Variants in ADAMTS20 observed in about 807,000 individuals in gnomAD.
ADAMTS20 encodes ADAM metallopeptidase with thrombospondin type 1 motif 20, also known as A disintegrin and metalloproteinase with thrombospondin motifs 20.
A neutral mutation model predicts 260.1 loss-of-function variants in ADAMTS20; 225 were observed. The observed-to-expected ratio is 0.87, with a 90% CI of 0.78 to 0.97. The LOEUF is 0.97. Ranked by LOEUF, ADAMTS20 falls within the 50% of genes least tolerant of loss-of-function variation. The pLI is 0.00. For synonymous variants in ADAMTS20, 802 were observed against 769.5 expected, an observed-to-expected ratio of 1.04 and a Z score of -0.70; for missense variants, 2,400 against 2,337.7, an observed-to-expected ratio of 1.03 and a Z score of -0.55.
At chr12:43,353,254 T>C (rs912829927), downstream of ADAMTS20, among the ~76,000 whole-genome samples, 4 of 152,020 alleles carry the variant, frequency 2.6e-5, no homozygotes, top group African/African-American at 9.7e-5. Flanking sequence ...AAACCTCTGA[T>C]ATAAAATAAC....
At chr12:43,430,601 T>A in intron 22 of ADAMTS20, 130 bp from the exon 23 acceptor site, 1 of 880,648 alleles carries the variant, frequency 1.1e-6, no homozygotes, top group Non-Finnish European at 1.6e-6. Flanking sequence ...ATACTAGATT[T>A]AAGACTTAAA....
intron 7 of ADAMTS20, among the ~76,000 whole-genome samples, chr12:43,480,525 G>T (rs1278492492): frequency 2.0e-5 from 3 of 152,082 alleles, no homozygotes; most frequent in Non-Finnish European, 4.4e-5. Context: ...CATAATGGCT[G>T]TAGTAATTTA....
chr12:43,490,372 A>G (rs775127132), intron 7 of ADAMTS20, 23 bp downstream of exon 7: 9 of 1,157,504 alleles, frequency 7.8e-6, no homozygotes, highest in Non-Finnish European at 1.2e-6. Context: ...CATAAGCTAA[A>G]CTTAATTGAC....
At chr12:43,499,808 T>C (rs1009634432) in intron 4 of ADAMTS20, among the ~76,000 whole-genome samples, 2 of 152,164 alleles carry the variant, frequency 1.3e-5, no homozygotes, top group Non-Finnish European at 2.9e-5. Context: ...TGGCCAATAC[T>C]GATTTTTATG....
intron 28 of ADAMTS20, 107 bp downstream of exon 28, chr12:43,425,407 C>T: frequency 2.0e-6 from 2 of 1,007,362 alleles, no homozygotes; most frequent in Non-Finnish European, 2.7e-6. Flanking sequence ...GCACATGTAC[C>T]CCTGAATGTA....
At chr12:43,470,538 A>G (rs1942235679) in intron 7 of ADAMTS20, among the ~76,000 whole-genome samples, 1 of 152,160 alleles carries the variant, frequency 6.6e-6, no homozygotes, top group Admixed American at 6.5e-5. Context: ...TTGTGTCTAG[A>G]CTCATTCAAG....
chr12:43,430,363 T>C lies in ADAMTS20; in HGVS notation c.3370A>G (p.Ser1124Gly), dbSNP rs764552278. The C allele has an allele frequency of 2.5e-6, 4 of 1,612,290 alleles. No homozygotes were observed. The highest frequency in any genetic ancestry group is 2.7e-5 in the African/African-American group (2 of 74,872). ...ATGATTCTTTTTACCTGTCTGTCACTGGGGCGACTAGCTTCATGGCATTCT... is the reference window on the plus strand; with the variant it reads ...ATGATTCTTTTTACCTGTCTGTCACCGGGGCGACTAGCTTCATGGCATTCT... ...DTECHEASRP[S>G]DRQSCVLTPC... Residue 1124 changes from serine to glycine, a missense_variant, in exon 23 of 39, where the codon AGT (serine) becomes GGT (glycine). Coordinates refer to ENST00000389420, the MANE Select transcript of ADAMTS20 (RefSeq NM_025003.5).
chr12:43,541,155 C>T (rs756965936), intron 2 of ADAMTS20, among the ~76,000 whole-genome samples: 8 of 152,078 alleles, frequency 5.3e-5, no homozygotes, highest in Non-Finnish European at 1.0e-4. Flanking sequence ...GGAGAACATT[C>T]GGAAATAAGG....
At chr12:43,395,735 G>C (rs914340452) in intron 29 of ADAMTS20, among the ~76,000 whole-genome samples, 16 of 145,930 alleles carry the variant, frequency 1.1e-4, no homozygotes, top group African/African-American at 3.8e-4. Context: ...TATGAGACTG[G>C]AGAACACACT....
At position 43,466,438 on chromosome 12, in the gene ADAMTS20, T is replaced by G. The variant is rs532080076; in HGVS notation, c.1367+214A>C. 4.6e-4 allele frequency among the ~76,000 whole-genome samples: 70 copies of G among 151,968 alleles called. 2 individuals are homozygous for G. Among genetic ancestry groups the G allele is most frequent in the African/African-American group, 1.5e-3 (64 of 41,524 alleles). On this transcript the variant is annotated intron_variant, in intron 9 of 38. Coordinates refer to ENST00000389420, the MANE Select transcript of ADAMTS20 (RefSeq NM_025003.5). ...CTAGGTCTAAACTACAATAAAAATA[T>G]TTATTTTAAAGAGTGAAATTATATA...
intron 4 of ADAMTS20, among the ~76,000 whole-genome samples, 192 bp downstream of exon 4, chr12:43,501,960 T>C (rs187676588): frequency 1.2e-4 from 18 of 152,220 alleles, no homozygotes; most frequent in Non-Finnish European, 2.5e-4. Context: ...TTTAGAAAGG[T>C]GTCCAAGTAA....
Position 43,502,415 on chromosome 12 carries a change from A to G in ADAMTS20, c.614-10T>C. The G allele has an allele frequency of 1.3e-6, 2 of 1,575,526 alleles. No individual in the cohort carries two copies. The highest frequency in any genetic ancestry group is 8.5e-7 in the Non-Finnish European group (1 of 1,170,664). ...TCCTTTATTTGACTTTCTAGGGAGA[A>G]AAAAAGAATATAATGCAGAGCCATT... On this transcript the variant is annotated splice_polypyrimidine_tract_variant and intron_variant, in intron 3 of 38. Coordinates refer to ENST00000389420, the MANE Select transcript of ADAMTS20 (RefSeq NM_025003.5).
Position 43,532,067 on chromosome 12 carries a change from A to G in ADAMTS20, c.582T>C (p.Phe194=). Residue 194 remains phenylalanine, a synonymous_variant, in exon 3 of 39, where the codon TTT becomes TTC. Transcript: ENST00000389420. ...CACTGCAATACTTCAGAGTCTGCAGAAAAGAGTTATTTAAGTCTTGTCTGT... is the reference window on the plus strand; with the variant it reads ...CACTGCAATACTTCAGAGTCTGCAGGAAAGAGTTATTTAAGTCTTGTCTGT... ...LIYRQDLNNS[F]LQTLKYCSVS... 1 of 1,606,082 alleles carries G rather than the reference A, an allele frequency of 6.2e-7. No individual in the cohort carries two copies. The highest frequency in any genetic ancestry group is 8.5e-7 in the Non-Finnish European group (1 of 1,175,868).
chr12:43,501,055 C>CTTTTTTTTTTTTTTTT (rs79075751), intron 4 of ADAMTS20, among the ~76,000 whole-genome samples: 4 of 104,868 alleles, frequency 3.8e-5, no homozygotes, highest in East Asian at 4.1e-4. Flanking sequence ...CTATGTAATT[C>CTTTTTTTTTTTTTTTT]TTTTTTTTTT....
At chr12:43,452,885 G>A (rs1211599911) in intron 12 of ADAMTS20, among the ~76,000 whole-genome samples, 190 bp from the exon 13 acceptor site, 4 of 152,098 alleles carry the variant, frequency 2.6e-5, no homozygotes, top group African/African-American at 4.8e-5. Flanking sequence ...CCACCTTAAC[G>A]TGGACAGTGA....
intron 7 of ADAMTS20, among the ~76,000 whole-genome samples, chr12:43,472,689 C>T (rs1483553324): frequency 6.9e-6 from 1 of 144,958 alleles, no homozygotes; most frequent in Non-Finnish European, 1.5e-5. Context: ...ATTCAACATT[C>T]TTAAAGAAAA....
At chr12:43,472,107 A>T (rs1208457090) in intron 7 of ADAMTS20, among the ~76,000 whole-genome samples, 103 of 148,718 alleles carry the variant, frequency 6.9e-4, no homozygotes, top group African/African-American at 2.2e-3. Flanking sequence ...AGAAGAATGT[A>T]TAACTAGAAT....
chr12:43,409,410 G>A lies in ADAMTS20; in HGVS notation c.4285-10177C>T, dbSNP rs192957685. 6.0e-5 allele frequency among the ~76,000 whole-genome samples: 9 copies of A among 151,252 alleles called. No individual in the cohort carries two copies. In the East Asian group the frequency reaches 9.7e-4, roughly 16 times the overall value. On this transcript the variant is annotated intron_variant, in intron 28 of 38. Transcript: ENST00000389420. Reference sequence around the variant, plus strand: ...GAGGTCAGGAGATCGAGACCATCCCGGCTAAAACGGTGAAACCTCGTCTCT... The same window carrying A: ...GAGGTCAGGAGATCGAGACCATCCCAGCTAAAACGGTGAAACCTCGTCTCT...
At chr12:43,396,088 C>G (rs1374593724) in intron 29 of ADAMTS20, among the ~76,000 whole-genome samples, 1 of 151,254 alleles carries the variant, frequency 6.6e-6, no homozygotes, top group Non-Finnish European at 1.5e-5. Context: ...TTAAATGATT[C>G]AATTATTTAA....
Sources: gnomAD v4.1 joint callset for allele counts (sites outside exome capture counted in the v4.1 genomes callset) on GRCh38, gnomAD v4.1.1 for gene constraint, MANE v1.5 for transcripts, NCBI Gene and HGNC (gene_info 2026-07-23, HGNC 2026-07-21) for gene names.